Variants in NUMBL observed in about 807,000 individuals in gnomAD.
NUMBL encodes the protein numb-like protein.
In NUMBL, 20 loss-of-function variants were observed where a neutral mutation model predicts 48.9. The ratio of observed to expected loss-of-function variants is 0.41; its 90% CI spans 0.29 to 0.59. The LOEUF is 0.59. Among genes scored for constraint, NUMBL ranks in the 20% least tolerant of loss-of-function variants. The pLI, the probability that NUMBL is intolerant of heterozygous loss-of-function variation, is 0.31. For synonymous variants in NUMBL, 340 were observed against 348.7 expected (o/e 0.98, Z 0.28); for missense variants, 660 against 846.2 (o/e 0.78, Z 2.73).
intron 7 of NUMBL, among the ~76,000 whole-genome samples, chr19:40,674,756 A>G (rs1288365541): frequency 6.6e-6 from 1 of 152,170 alleles, no homozygotes; most frequent in African/African-American, 2.4e-5. Context: ...CAGTTTGCCA[A>G]CTAGAAACCT....
In NUMBL at chr19:40,684,528, C is replaced by T. The variant is rs1379303860; in HGVS notation, c.138G>A (p.Arg46=). The part of the protein sequence containing the change: ...PDGAGTMNKL[R]QSLRRRKPAY... The stretch of plus-strand genomic sequence containing the variant: ...CTGGCTTCCTCCGCCGCAGGCTCTG[C>T]CGTAACTTGTTCATGGTGCCCGCCC... The change falls in exon 3 of 10, where the codon CGG becomes CGA. Residue 46 remains arginine, a synonymous_variant. Transcript: ENST00000252891. 1.9e-6 allele frequency: 3 copies of T among 1,609,442 alleles called. No homozygotes were observed. Among genetic ancestry groups the T allele is most frequent in the African/African-American group, 1.3e-5 (1 of 74,856 alleles).
Position 40,667,482 on chromosome 19 carries a change from C to T in NUMBL, c.1816G>A (p.Glu606Lys), listed in dbSNP as rs201843193. 1.6e-4 allele frequency: 258 copies of T among 1,603,248 alleles called. 1 individual carries two copies. The East Asian group carries it at 5.3e-3, about 33-fold the overall frequency. ...PFSGDLQKTFEIEL is the reference protein window; with the variant it reads ...PFSGDLQKTFKIEL ...GGCGGCTCGGGCTACAGTTCAATCT[C>T]GAATGTCTTTTGCAGGTCGCCAGAA... The change falls in exon 10 of 10, where the codon GAG (glutamate) becomes AAG (lysine). Residue 606 changes from glutamate (E) to lysine (K), a missense_variant. Around this residue, in one of 3 missense-constraint regions of NUMBL, gnomAD observed 296 missense variants for 339.7 expected, o/e 0.87. Transcript: ENST00000252891. This position sits in a 1 kb window ranked among gnomAD's most constrained non-coding sequence, Gnocchi z 6.1.
chr19:40,668,149 G>A lies in NUMBL; in HGVS notation c.1160-11C>T, dbSNP rs762554205. ...CCCAGGCAGAAGTCCCTGGAGAGAG[G>A]AGAGGGACAGGTGAGGGAGGGGGCA... On this transcript the variant is annotated splice_polypyrimidine_tract_variant and intron_variant, in intron 9 of 9. Coordinates refer to ENST00000252891, the MANE Select transcript of NUMBL (RefSeq NM_004756.5). 1.0e-5 allele frequency: 16 copies of A among 1,581,374 alleles called. No homozygotes were observed. The African/African-American group carries it at 1.3e-4, about 13-fold the overall frequency.
intron 7 of NUMBL, among the ~76,000 whole-genome samples, chr19:40,676,587 C>T (rs978795965): frequency 2.7e-5 from 4 of 147,804 alleles, no homozygotes; most frequent in African/African-American, 7.5e-5. Flanking sequence ...CCTAACTACT[C>T]GGGAGGCTGA....
chr19:40,668,503 C>G (rs1048351087), intron 9 of NUMBL, among the ~76,000 whole-genome samples: 1 of 152,202 alleles, frequency 6.6e-6, no homozygotes, highest in Non-Finnish European at 1.5e-5. Flanking sequence ...GAGTCTCACT[C>G]TGTTGCCCAG....
intron 8 of NUMBL, among the ~76,000 whole-genome samples, chr19:40,671,259 G>A (rs1204422194): frequency 6.6e-6 from 1 of 152,150 alleles, no homozygotes; most frequent in East Asian, 1.9e-4. Context: ...GATTACAGGT[G>A]TGAGCCACCA....
At chr19:40,678,459 G>A (rs1310444526) in intron 6 of NUMBL, among the ~76,000 whole-genome samples, 1 of 152,028 alleles carries the variant, frequency 6.6e-6, no homozygotes, top group African/African-American at 2.4e-5. Flanking sequence ...CACCATGCCC[G>A]GCCGGGATTA....
At chr19:40,668,277 C>T in intron 9 of NUMBL, 139 bp from the exon 10 acceptor site, 1 of 1,402,102 alleles carries the variant, frequency 7.1e-7, no homozygotes, top group Non-Finnish European at 9.4e-7. Context: ...CAGCTCTGCA[C>T]CTCCCGAGCT....
At chr19:40,686,772 A>T (rs1568432635) in intron 2 of NUMBL, 139 bp downstream of exon 2, 1 of 634,092 alleles carries the variant, frequency 1.6e-6, no homozygotes, top group East Asian at 2.9e-5. Flanking sequence ...GGGCTCTGAC[A>T]GTCGCTGAGG....
chr19:40,689,237 T>C (rs943059999), intron 1 of NUMBL, among the ~76,000 whole-genome samples: 1 of 151,930 alleles, frequency 6.6e-6, no homozygotes, highest in Non-Finnish European at 1.5e-5. Flanking sequence ...TACCGAGGCA[T>C]ACAAACACAG....
intron 6 of NUMBL, among the ~76,000 whole-genome samples, chr19:40,680,690 C>A (rs897959259): frequency 6.6e-6 from 1 of 152,144 alleles, no homozygotes; most frequent in African/African-American, 2.4e-5. Flanking sequence ...CTCAGGCAAT[C>A]CCCCCGCCCC....
intron 9 of NUMBL, 47 bp from the exon 10 acceptor site, chr19:40,668,185 CAGA>C: frequency 1.3e-6 from 2 of 1,526,908 alleles, no homozygotes; most frequent in South Asian, 1.3e-5. Context: ...ACGGCTTCAG[CAGA>C]AGAACCCCAG....
Position 40,684,567 on chromosome 19 carries a change from A to C in NUMBL, c.110-11T>G, listed in dbSNP as rs775809361. 1.9e-6 allele frequency: 3 copies of C among 1,596,680 alleles called. No homozygotes were observed. Among genetic ancestry groups the C allele is most frequent in the South Asian group, 1.1e-5 (1 of 89,564 alleles). ...TGGTGCCCGCCCCGTCTGGTGACAC[A>C]GGACAGTGATGTGGGTCAAGGGTGG... On this transcript the variant is annotated splice_polypyrimidine_tract_variant and intron_variant, in intron 2 of 9. Transcript: ENST00000252891.
In NUMBL at chr19:40,682,792, T is replaced by G; in HGVS notation, c.335A>C (p.Lys112Thr). 6.2e-7 allele frequency: 1 copy of G among 1,614,146 alleles called. No individual in the cohort carries two copies. The highest frequency in any genetic ancestry group is 1.7e-5 in the Admixed American group (1 of 60,022). ...CACCCACAGGACAGACTTCACGGAC[T>G]TTCGGCCCATCTGGAGGGAGGCAAG... is the stretch of plus-strand genomic sequence containing the variant. Reference protein sequence around the residue: ...AVKKLKAMGRKSVKSVLWVSA... With the variant: ...AVKKLKAMGRTSVKSVLWVSA... The change falls in exon 5 of 10, where the codon AAG (lysine) becomes ACG (threonine). Residue 112 changes from lysine to threonine, a missense_variant. Lys to Thr is a moderately conservative substitution (Grantham distance 78). This residue lies in a region of NUMBL where 278 missense variants were observed against 420.6 expected (regional missense o/e 0.66). Coordinates refer to ENST00000252891, the MANE Select transcript of NUMBL (RefSeq NM_004756.5). This position sits in a 1 kb window ranked among gnomAD's most constrained non-coding sequence, Gnocchi z 4.0.
intron 6 of NUMBL, among the ~76,000 whole-genome samples, chr19:40,680,467 G>A (rs1457703832): frequency 7.1e-6 from 1 of 141,502 alleles, no homozygotes; most frequent in Non-Finnish European, 1.5e-5. Context: ...TTTTTTTTTT[G>A]AGATGGAGTC....
intron 8 of NUMBL, among the ~76,000 whole-genome samples, chr19:40,672,045 A>AT (rs1434105175): frequency 1.3e-5 from 2 of 151,902 alleles, no homozygotes; most frequent in Non-Finnish European, 2.9e-5. Context: ...TAGTTTTTGT[A>AT]TTTTTTTGTA....
chr19:40,679,132 G>T (rs1001197720), intron 6 of NUMBL, among the ~76,000 whole-genome samples: 1 of 152,008 alleles, frequency 6.6e-6, no homozygotes, highest in African/African-American at 2.4e-5. Context: ...GCTCACGCCT[G>T]TAATCCGAGC....
chr19:40,684,530 G>GT lies in NUMBL; in HGVS notation c.135dup (p.Arg46ThrfsTer55). The GT allele has an allele frequency of 1.2e-6, 2 of 1,609,820 alleles. No individual in the cohort carries two copies. Among genetic ancestry groups the GT allele is most frequent in the Non-Finnish European group, 1.7e-6 (2 of 1,178,004 alleles). On this transcript the variant is annotated frameshift_variant, in exon 3 of 10. Transcript: ENST00000252891. LOFTEE classifies it high-confidence loss of function. ...GGCTTCCTCCGCCGCAGGCTCTGCC[G>GT]TAACTTGTTCATGGTGCCCGCCCCG...
chr19:40,678,816 G>A (rs1214125321), intron 6 of NUMBL, among the ~76,000 whole-genome samples: 1 of 152,170 alleles, frequency 6.6e-6, no homozygotes, highest in African/African-American at 2.4e-5. Context: ...AGAATCAGAC[G>A]GTGTGACTGC....
Sources: allele counts gnomAD v4.1 joint callset (sites outside exome capture counted in the v4.1 genomes callset), GRCh38; gene constraint gnomAD v4.1.1; regional missense constraint gnomAD v4.1.1; non-coding constraint Gnocchi (gnomAD v3.1); transcripts MANE v1.5; gene names NCBI Gene and HGNC (gene_info 2026-07-23, HGNC 2026-07-21).